DSCAM: variants seen among roughly 807,000 people sequenced by gnomAD.
DSCAM encodes the protein DS cell adhesion molecule.
Under a neutral mutation model 217.7 loss-of-function variants are expected in DSCAM, and 47 were observed. The ratio of observed to expected loss-of-function variants is 0.22; its 90% CI spans 0.17 to 0.28. The LOEUF (loss-of-function observed/expected upper bound fraction) is 0.28, where lower values mean the gene tolerates loss of function less well. Ranked by LOEUF, DSCAM falls within the 10% of genes least tolerant of loss-of-function variation. The probability of loss-of-function intolerance (pLI) is 1.00; values close to 1 mark genes in which losing one functional copy is unlikely to be tolerated. For synonymous variants in DSCAM, 1,056 were observed against 1,015.3 expected (o/e 1.04, Z -0.76); for missense variants, 2,080 against 2,618.3 (o/e 0.79, Z 4.49).
At chr21:40,831,829 A>G (rs79222062) in intron 1 of DSCAM, among the ~76,000 whole-genome samples, 1 of 152,232 alleles carries the variant, frequency 6.6e-6, no homozygotes, top group Non-Finnish European at 1.5e-5. Flanking sequence ...GAAATGGCTG[A>G]CATGGAAAAG....
chr21:40,080,448 A>G (rs1601310132), intron 24 of DSCAM, 108 bp from the exon 25 acceptor site: 1 of 970,326 alleles, frequency 1.0e-6, no homozygotes, highest in Non-Finnish European at 1.5e-6. Flanking sequence ...CTCAGAACTG[A>G]AGAATCTTCA....
chr21:40,254,718 G>C (rs73368171), intron 11 of DSCAM, among the ~76,000 whole-genome samples: 11,745 of 152,030 alleles, frequency 0.077, 1,023 homozygotes, highest in East Asian at 0.22. Context: ...GCTTCTTTCT[G>C]TGCCTCTCCA....
intron 3 of DSCAM, among the ~76,000 whole-genome samples, chr21:40,529,064 C>T (rs528379083): frequency 3.0e-3 from 461 of 151,974 alleles, no homozygotes; most frequent in African/African-American, 0.011. Context: ...CCACCACCCC[C>T]GGCTAATTTT....
chr21:40,524,785 C>T (rs146525188), intron 3 of DSCAM, among the ~76,000 whole-genome samples: 10 of 151,796 alleles, frequency 6.6e-5, no homozygotes, highest in African/African-American at 2.2e-4. Flanking sequence ...ACGAGGTGGG[C>T]GGATCATGAG....
At position 40,779,188 on chromosome 21, in the gene DSCAM, T is replaced by C. The variant is rs374607181; in HGVS notation, c.43+67431A>G. ...CTTTTTAACCTTGATCATTTTGGTG[T>C]ATTTTTAAAAATGGGAATGAAAGGT... On this transcript the variant is annotated intron_variant, in intron 1 of 32. Coordinates refer to ENST00000400454, the MANE Select transcript of DSCAM (RefSeq NM_001389.5). Among the ~76,000 whole-genome samples, 43 of 152,298 alleles carry C rather than the reference T, an allele frequency of 2.8e-4. No homozygotes were observed. In the East Asian group the frequency reaches 7.3e-3, roughly 26 times the overall value.
chr21:40,158,341 G>A (rs1361104278), intron 16 of DSCAM, among the ~76,000 whole-genome samples: 1 of 152,136 alleles, frequency 6.6e-6, no homozygotes, highest in Non-Finnish European at 1.5e-5. Flanking sequence ...AGTGAGCCAG[G>A]ATGGTGCCAC....
At chr21:40,558,453 G>GAA (rs34187407) in intron 3 of DSCAM, among the ~76,000 whole-genome samples, 5,699 of 142,898 alleles carry the variant, frequency 0.04, 313 homozygotes, top group African/African-American at 0.13. Flanking sequence ...ATCTCAAAAA[G>GAA]AAAAAAAAAA....
At chr21:40,727,114 C>T (rs145919981) in intron 1 of DSCAM, among the ~76,000 whole-genome samples, 2 of 152,284 alleles carry the variant, frequency 1.3e-5, no homozygotes, top group East Asian at 3.9e-4. Flanking sequence ...GACATTCTCA[C>T]CTACATCAGT....
intron 3 of DSCAM, among the ~76,000 whole-genome samples, chr21:40,538,556 A>T (rs962817891): frequency 2.0e-5 from 3 of 152,240 alleles, no homozygotes; most frequent in African/African-American, 7.2e-5. Flanking sequence ...ACTTTTAAGT[A>T]TGAAATCAAA....
rs530752570 is a variant in DSCAM at position 40,388,640 on chromosome 21, AC to A, written c.509-19396del. Among the ~76,000 whole-genome samples the A allele has an allele frequency of 7.2e-3, 1,088 of 151,744 alleles. 11 individuals carry two copies. The highest frequency in any genetic ancestry group is 0.012 in the Non-Finnish European group (811 of 67,870). The stretch of plus-strand genomic sequence containing the variant: ...ATCACGGGAGTTAAGGCCATTTTAA[AC>A]CCCCCCTCCTCCACTGATAAACCAG... On this transcript the variant is annotated intron_variant, in intron 3 of 32. Transcript: ENST00000400454.
chr21:40,339,606 G>C (rs922124265), intron 6 of DSCAM, among the ~76,000 whole-genome samples, 191 bp from the exon 7 acceptor site: 7 of 152,190 alleles, frequency 4.6e-5, no homozygotes, highest in African/African-American at 1.4e-4. Context: ...TAAGCACAGT[G>C]TTAGCAAGCT....
Position 40,339,347 on chromosome 21 carries a change from T to C in DSCAM, c.1279A>G (p.Met427Val). The change falls in exon 7 of 33, where the codon ATG becomes GTG. Residue 427 changes from methionine (M) to valine (V), a missense_variant. By Grantham distance (21) the Met-to-Val change is conservative (BLOSUM62 1). This residue lies in a region of DSCAM where 568 missense variants were observed against 678.1 expected (regional missense o/e 0.84). Coordinates refer to ENST00000400454, the MANE Select transcript of DSCAM (RefSeq NM_001389.5). ...AAAGGTGTTCCCTTCACGTTGCACA[T>C]AAGGGAAACCGGCTCTGCTGGACTC... ...VVSPAEPVSLMCNVKGTPLPT... is the reference protein window; with the variant it reads ...VVSPAEPVSLVCNVKGTPLPT... The C allele has an allele frequency of 6.2e-7, 1 of 1,614,070 alleles. No homozygotes were observed. Among genetic ancestry groups the C allele is most frequent in the Non-Finnish European group, 8.5e-7 (1 of 1,180,008 alleles).
At chr21:40,450,114 G>C (rs2075706606) in intron 3 of DSCAM, among the ~76,000 whole-genome samples, 1 of 152,038 alleles carries the variant, frequency 6.6e-6, no homozygotes. Flanking sequence ...AAGCTATACA[G>C]GAAATGGTTA....
intron 3 of DSCAM, among the ~76,000 whole-genome samples, chr21:40,430,669 C>T (rs1321889034): frequency 2.6e-5 from 4 of 152,158 alleles, no homozygotes; most frequent in Admixed American, 2.6e-4. Flanking sequence ...CTAGAGAACC[C>T]CAATTAATAC....
chr21:40,701,485 CT>C (rs2090655750), intron 2 of DSCAM, among the ~76,000 whole-genome samples: 1 of 152,008 alleles, frequency 6.6e-6, no homozygotes, highest in Admixed American at 6.6e-5. Flanking sequence ...GTTTTATCCT[CT>C]TTTTCAGTTT....
At chr21:40,300,817 C>T (rs1420742727) in intron 9 of DSCAM, among the ~76,000 whole-genome samples, 1 of 152,216 alleles carries the variant, frequency 6.6e-6, no homozygotes, top group Admixed American at 6.5e-5. Context: ...TGACTCAGTA[C>T]ATCTGGGGTG....
At position 40,462,826 on chromosome 21, in the gene DSCAM, G is replaced by A. The variant is rs73902635; in HGVS notation, c.509-93581C>T. 2.1e-3 allele frequency among the ~76,000 whole-genome samples: 313 copies of A among 152,260 alleles called. 2 individuals are homozygous for A. Among genetic ancestry groups the A allele is most frequent in the African/African-American group, 6.8e-3 (283 of 41,558 alleles). On this transcript the variant is annotated intron_variant, in intron 3 of 32. Transcript: ENST00000400454. ...AGCAGAATTCCCACTTGTAGCACCT[G>A]ATCAGAGTTAGGTGCCACATGGTAA... is the stretch of plus-strand genomic sequence containing the variant.
chr21:40,141,517 G>A (rs911059759), intron 18 of DSCAM, among the ~76,000 whole-genome samples: 1 of 152,202 alleles, frequency 6.6e-6, no homozygotes, highest in African/African-American at 2.4e-5. Context: ...TTGGGAGGCT[G>A]AGGCAGGAGA....
intron 3 of DSCAM, among the ~76,000 whole-genome samples, chr21:40,552,310 T>A (rs547052706): frequency 2.1e-4 from 23 of 112,110 alleles, no homozygotes; most frequent in African/African-American, 5.7e-4. Flanking sequence ...TGACACTTCG[T>A]CTCAAAAAAA....
Sources: gnomAD v4.1 joint callset for allele counts (sites outside exome capture counted in the v4.1 genomes callset) on GRCh38, gnomAD v4.1.1 for gene constraint, gnomAD v4.1.1 regional missense constraint, MANE v1.5 for transcripts, NCBI Gene and HGNC (gene_info 2026-07-23, HGNC 2026-07-21) for gene names.